The following BTBD9 variants were observed in gnomAD, a reference collection of about 807,000 sequenced individuals.
The protein encoded by BTBD9 is BTB/POZ domain-containing protein 9.
A neutral mutation model predicts 64.3 loss-of-function variants in BTBD9; 49 were observed. The ratio of observed to expected loss-of-function variants is 0.76; its 90% CI spans 0.61 to 0.97. BTBD9 has a LOEUF of 0.97. BTBD9 is among the 50% of genes least tolerant of loss of function. The pLI is 0.00. For missense variants in BTBD9, 598 were observed against 762.1 expected (o/e 0.78, Z 2.53); for synonymous variants, 260 against 274.7 (o/e 0.95, Z 0.53).
At chr6:38,343,785 T>C (rs1764186393) in intron 7 of BTBD9, among the ~76,000 whole-genome samples, 1 of 152,186 alleles carries the variant, frequency 6.6e-6, no homozygotes, top group Non-Finnish European at 1.5e-5. Flanking sequence ...ACTCTCTATA[T>C]TGGAAAATTT....
intron 4 of BTBD9, 90 bp downstream of exon 4, chr6:38,592,486 A>G: frequency 1.5e-6 from 2 of 1,378,040 alleles, no homozygotes; most frequent in East Asian, 2.3e-5. Flanking sequence ...GTACACCTGC[A>G]CTACACGGTT....
intron 9 of BTBD9, among the ~76,000 whole-genome samples, chr6:38,213,550 A>G (rs1336704989): frequency 1.3e-5 from 2 of 152,226 alleles, no homozygotes; most frequent in Non-Finnish European, 2.9e-5. Context: ...CGGGATCTGC[A>G]TTAACTGTCA....
chr6:38,393,994 T>C (rs898726827), intron 6 of BTBD9, among the ~76,000 whole-genome samples: 1 of 152,198 alleles, frequency 6.6e-6, no homozygotes, highest in African/African-American at 2.4e-5. Context: ...GTTCAGAGTC[T>C]AGTAGAAAAG....
chr6:38,204,276 CT>C (rs34441561), intron 9 of BTBD9, among the ~76,000 whole-genome samples: 54,817 of 151,914 alleles, frequency 0.36, 10,651 homozygotes, highest in Non-Finnish European at 0.44. Flanking sequence ...GTTCATGAAT[CT>C]TCACAGCTGC....
At chr6:38,493,552 C>T (rs1241720859) in intron 6 of BTBD9, among the ~76,000 whole-genome samples, 1 of 152,140 alleles carries the variant, frequency 6.6e-6, no homozygotes, top group Non-Finnish European at 1.5e-5. Flanking sequence ...TTAGTGATTT[C>T]AATCATTGCT....
intron 6 of BTBD9, among the ~76,000 whole-genome samples, chr6:38,501,404 G>A (rs980747155): frequency 1.2e-4 from 19 of 152,196 alleles, no homozygotes; most frequent in African/African-American, 4.6e-4. Context: ...CTGGTCCCAA[G>A]CATTTCAGAT....
chr6:38,464,009 G>T (rs1484448613), intron 6 of BTBD9, among the ~76,000 whole-genome samples: 2 of 152,084 alleles, frequency 1.3e-5, no homozygotes, highest in Non-Finnish European at 2.9e-5. Flanking sequence ...TCCAGCCTGG[G>T]GAACAAAGTG....
At chr6:38,447,916 G>A (rs1769349679) in intron 6 of BTBD9, among the ~76,000 whole-genome samples, 1 of 152,182 alleles carries the variant, frequency 6.6e-6, no homozygotes, top group Admixed American at 6.5e-5. Flanking sequence ...GTGAAGACTG[G>A]AGAAAGATAC....
intron 6 of BTBD9, among the ~76,000 whole-genome samples, chr6:38,442,053 ATAGCT>A (rs1173657712): frequency 3.9e-5 from 6 of 152,166 alleles, no homozygotes; most frequent in Non-Finnish European, 8.8e-5. Flanking sequence ...GCAAGAGAGA[ATAGCT>A]TCCCAGTACT....
At chr6:38,183,040 C>T (rs984881510) in intron 10 of BTBD9, among the ~76,000 whole-genome samples, 4 of 150,852 alleles carry the variant, frequency 2.7e-5, no homozygotes, top group African/African-American at 9.8e-5. Context: ...AGTGCAGTGG[C>T]ACGATCTCGG....
chr6:38,226,599 G>T (rs1463885898), intron 9 of BTBD9, among the ~76,000 whole-genome samples: 1 of 152,228 alleles, frequency 6.6e-6, no homozygotes, highest in South Asian at 2.1e-4. Context: ...TGAAGAGTAG[G>T]CAAGGAGAAA....
chr6:38,579,571 T>C (rs1776199958), intron 5 of BTBD9, among the ~76,000 whole-genome samples: 3 of 152,104 alleles, frequency 2.0e-5, no homozygotes, highest in African/African-American at 7.2e-5. Context: ...CAAACTGGAG[T>C]TCATTAAACT....
At chr6:38,177,007 C>G (rs1761292903) in intron 10 of BTBD9, among the ~76,000 whole-genome samples, 1 of 152,212 alleles carries the variant, frequency 6.6e-6, no homozygotes, top group South Asian at 2.1e-4. Context: ...CAGTATGACC[C>G]AGAGCCATAT....
chr6:38,335,519 C>T (rs1045163832), intron 7 of BTBD9, among the ~76,000 whole-genome samples: 6 of 152,068 alleles, frequency 3.9e-5, no homozygotes, highest in African/African-American at 1.4e-4. Flanking sequence ...TCCCAAACTG[C>T]TGAGATTACA....
chr6:38,374,315 A>ATATACG (rs1765589306), intron 6 of BTBD9, among the ~76,000 whole-genome samples: 1 of 115,602 alleles, frequency 8.7e-6, no homozygotes, highest in Non-Finnish European at 1.7e-5. Context: ...ATGTATATAT[A>ATATACG]TATATATATA....
chr6:38,304,294 T>C (rs545703182), intron 7 of BTBD9, among the ~76,000 whole-genome samples: 5 of 152,138 alleles, frequency 3.3e-5, no homozygotes, highest in African/African-American at 1.2e-4. Flanking sequence ...ACACCTGTAA[T>C]CCCAGCACTT....
At chr6:38,587,656 A>G in intron 4 of BTBD9, 1 of 609,020 alleles carries the variant, frequency 1.6e-6, no homozygotes, top group Non-Finnish European at 3.1e-6. Flanking sequence ...TCGAGAACTG[A>G]CAGAACTTTG....
At chr6:38,628,059 T>C (rs750531133) in intron 1 of BTBD9, among the ~76,000 whole-genome samples, 17 of 152,234 alleles carry the variant, frequency 1.1e-4, no homozygotes, top group Non-Finnish European at 2.2e-4. Context: ...CATAACTTTT[T>C]TATTGATAAG....
rs1762622964 is a variant in BTBD9 at position 38,205,841 on chromosome 6, G to GCCA, written c.1563-13247_1563-13245dup. ...GGAGGTTGCAGTGAGCCAACACTGT[G>GCCA]CCACTGCACTCCAGCCTGAGAGAGC... On this transcript the variant is annotated intron_variant, in intron 9 of 10. Coordinates refer to ENST00000481247, the MANE Select transcript of BTBD9 (RefSeq NM_001099272.2). Among the ~76,000 whole-genome samples the GCCA allele has an allele frequency of 3.2e-5, 4 of 124,832 alleles. No individual in the cohort carries two copies. In the Admixed American group the frequency reaches 4.1e-4, roughly 13 times the overall value. The allele number at this position is 124,832 out of a possible 152,430, so 81.9% of individuals were successfully genotyped here. A position where few individuals can be genotyped will look rare whatever the true frequency, so the allele number is the denominator to read the frequency against.
Sources: allele counts gnomAD v4.1 joint callset (sites outside exome capture counted in the v4.1 genomes callset), GRCh38; gene constraint gnomAD v4.1.1; transcripts MANE v1.5; gene names NCBI Gene and HGNC (gene_info 2026-07-23, HGNC 2026-07-21).